PCDHA1: variants seen among roughly 807,000 people sequenced by gnomAD.
The protein encoded by PCDHA1 is protocadherin alpha-1.
A neutral mutation model predicts 61.3 loss-of-function variants in PCDHA1; 42 were observed. The observed-to-expected ratio is 0.69, with a 90% CI of 0.54 to 0.89. PCDHA1 has a LOEUF of 0.89. PCDHA1 is among the 40% of genes least tolerant of loss of function. PCDHA1 has a pLI of 0.00. For missense variants in PCDHA1, 1,256 were observed against 1,235.3 expected, an observed-to-expected ratio of 1.02 and a Z score of -0.25; for synonymous variants, 610 against 553.8, an observed-to-expected ratio of 1.10 and a Z score of -1.43.
chr5:140,916,142 T>C (rs868910993), intron 1 of PCDHA1, among the ~76,000 whole-genome samples: 2 of 151,944 alleles, frequency 1.3e-5, no homozygotes, highest in African/African-American at 4.8e-5. Context: ...GGCTGTTCAG[T>C]TGTGTTGTGG....
At chr5:140,830,751 A>G (rs1247208262) in intron 1 of PCDHA1, 3 of 185,768 alleles carry the variant, frequency 1.6e-5, no homozygotes, top group Admixed American at 1.2e-4. Flanking sequence ...TTTCTGTTGC[A>G]TTTTAATTCA....
chr5:140,823,638 C>T (rs2150127747), intron 1 of PCDHA1: 14 of 1,613,898 alleles, frequency 8.7e-6, no homozygotes, highest in African/African-American at 2.7e-5. Flanking sequence ...GCATCCCGTT[C>T]CGCGTGGGGC....
At chr5:140,967,649 T>C in intron 1 of PCDHA1, 1 of 1,614,132 alleles carries the variant, frequency 6.2e-7, no homozygotes. Context: ...GCTCAGGTAC[T>C]CCTTGAGCAG....
At position 140,849,254 on chromosome 5, in the gene PCDHA1, A is replaced by C. The variant is rs2150433667; in HGVS notation, c.2394+60570A>C. The stretch of plus-strand genomic sequence containing the variant: ...CCCTGTATACGGTGAAATTACCAGA[A>C]AACGTTTCTATCGGAACGCTGGTGA... On this transcript the variant is annotated intron_variant, in intron 1 of 3. Coordinates refer to ENST00000504120, the MANE Select transcript of PCDHA1 (RefSeq NM_018900.4). The C allele has an allele frequency of 1.6e-4, 171 of 1,103,146 alleles. 11 individuals are homozygous for C. In the South Asian group the frequency reaches 1.7e-3, roughly 11 times the overall value. 68.3% of individuals were successfully genotyped at this position (1,103,146 alleles called of 1,614,324 possible). A position where few individuals can be genotyped will look rare whatever the true frequency, so the allele number is the denominator to read the frequency against.
chr5:140,927,077 G>C (rs568623488), intron 1 of PCDHA1: 29 of 1,610,728 alleles, frequency 1.8e-5, no homozygotes, highest in Non-Finnish European at 2.5e-5. Flanking sequence ...TCCAGCCACC[G>C]CGAGCTCTAC....
chr5:140,841,694 G>C, intron 1 of PCDHA1: 1 of 1,613,934 alleles, frequency 6.2e-7, no homozygotes. Context: ...GGAGGTGAAG[G>C]ATGTTAATGA....
chr5:140,969,047 A>C, intron 1 of PCDHA1: 1 of 1,614,152 alleles, frequency 6.2e-7, no homozygotes, highest in Non-Finnish European at 8.5e-7. Flanking sequence ...CAAACAAGCC[A>C]ACAACAATAT....
intron 1 of PCDHA1, among the ~76,000 whole-genome samples, chr5:140,906,089 A>G (rs13182228): frequency 0.33 from 49,632 of 151,980 alleles, 8,394 homozygotes; most frequent in East Asian, 0.53. Flanking sequence ...CCAGACTGAG[A>G]GTAAGTGTGT....
chr5:140,877,101 G>A lies in PCDHA1; in HGVS notation c.2394+88417G>A, dbSNP rs375706181. ...TGAGCGCGCGCGACGCCGGCGTGCCGCCTCTGGGCAGCAACGTGACGCTGC... is the reference window on the plus strand; with the variant it reads ...TGAGCGCGCGCGACGCCGGCGTGCCACCTCTGGGCAGCAACGTGACGCTGC... On this transcript the variant is annotated intron_variant, in intron 1 of 3. Transcript: ENST00000504120. 3.3e-5 allele frequency: 53 copies of A among 1,613,354 alleles called. 1 individual carries two copies. The highest frequency in any genetic ancestry group is 4.1e-5 in the Non-Finnish European group (48 of 1,179,850).
At chr5:141,007,716 G>A (rs887681362) in intron 3 of PCDHA1, among the ~76,000 whole-genome samples, 4 of 152,246 alleles carry the variant, frequency 2.6e-5, no homozygotes, top group African/African-American at 4.8e-5. Context: ...CCCACCACCA[G>A]GGAGAACAAA....
intron 1 of PCDHA1, among the ~76,000 whole-genome samples, chr5:140,820,870 T>C (rs1766848710): frequency 6.6e-6 from 1 of 152,114 alleles, no homozygotes; most frequent in Non-Finnish European, 1.5e-5. Context: ...ATGCTTCTAA[T>C]TTGAAAATAG....
chr5:141,001,069 C>T (rs1422093659), intron 3 of PCDHA1, among the ~76,000 whole-genome samples: 15 of 152,106 alleles, frequency 9.9e-5, no homozygotes, highest in African/African-American at 3.1e-4. Flanking sequence ...AAATTAAATA[C>T]ATGCAAAATA....
At chr5:140,822,269 C>T in intron 1 of PCDHA1, 2 of 1,614,196 alleles carry the variant, frequency 1.2e-6, no homozygotes, top group Non-Finnish European at 1.7e-6. Context: ...GGAGCAAATG[C>T]ACAATTGAGA....
Position 140,788,101 on chromosome 5 carries a change from A to G in PCDHA1, c.1811A>G (p.Asn604Ser), listed in dbSNP as rs782306888. The G allele has an allele frequency of 6.8e-5, 109 of 1,613,796 alleles. No homozygotes were observed. The highest frequency in any genetic ancestry group is 8.7e-5 in the Non-Finnish European group (103 of 1,179,908). ...VRAVDADSGY[N>S]AWLSYELQPA... ...GCAGTGGACGCCGACTCGGGCTACA[A>G]CGCGTGGCTGTCCTATGAACTGCAG... The change falls in exon 1 of 4, where the codon AAC becomes AGC. Residue 604 changes from asparagine (N) to serine (S), a missense_variant. Transcript: ENST00000504120.
rs1554213921 is a variant in PCDHA1 at position 140,941,202 on chromosome 5, C to CTTTCTTTCTTTCTTTCTTT, written c.2395-37747_2395-37746insTTTCTTTCTTTCTTTCTTT. ...TCCTGCTTCTTTTTTTTTCTTTCTT[C>CTTTCTTTCTTTCTTTCTTT]CTTTCTTTCTTCCTTTCTTTCTTTC... On this transcript the variant is annotated intron_variant, in intron 1 of 3. Coordinates refer to ENST00000504120, the MANE Select transcript of PCDHA1 (RefSeq NM_018900.4). Among the ~76,000 whole-genome samples the CTTTCTTTCTTTCTTTCTTT allele has an allele frequency of 8.2e-4, 101 of 122,784 alleles. 3 individuals carry two copies. Among genetic ancestry groups the CTTTCTTTCTTTCTTTCTTT allele is most frequent in the East Asian group, 3.5e-3 (16 of 4,514 alleles). The allele number at this position is 122,784 out of a possible 152,430, so 80.6% of individuals were successfully genotyped here. A position where few individuals can be genotyped will look rare whatever the true frequency, so the allele number is the denominator to read the frequency against.
At chr5:140,869,170 T>C in intron 1 of PCDHA1, 3 of 1,613,920 alleles carry the variant, frequency 1.9e-6, no homozygotes, top group Non-Finnish European at 2.5e-6. Context: ...CCTCCTCGAA[T>C]TCTGGGAGGT....
In PCDHA1 at chr5:140,787,780, G is replaced by C. The variant is rs782023568; in HGVS notation, c.1490G>C (p.Arg497Pro). The C allele has an allele frequency of 5.6e-6, 9 of 1,612,700 alleles. No homozygotes were observed. Among genetic ancestry groups the C allele is most frequent in the Non-Finnish European group, 7.6e-6 (9 of 1,179,790 alleles). Residue 497 changes from arginine to proline, a missense_variant, in exon 1 of 4, where the codon CGG (arginine) becomes CCG (proline). Coordinates refer to ENST00000504120, the MANE Select transcript of PCDHA1 (RefSeq NM_018900.4). ...CTGGTGTCCTATTCGCTGGTGGAAC[G>C]GCGGGTGGGCGAGCGCGCGCTGTCG... ...NALVSYSLVE[R>P]RVGERALSNY... is the part of the protein sequence containing the mutation.
chr5:140,967,943 G>T, intron 1 of PCDHA1: 1 of 1,614,190 alleles, frequency 6.2e-7, no homozygotes. Flanking sequence ...CAATGACCAA[G>T]ACTCAGGCCC....
In PCDHA1 at chr5:140,788,373, G is replaced by T; in HGVS notation, c.2083G>T (p.Asp695Tyr). The T allele has an allele frequency of 6.2e-7, 1 of 1,614,056 alleles. No individual in the cohort carries two copies. The highest frequency in any genetic ancestry group is 8.5e-7 in the Non-Finnish European group (1 of 1,179,976). Residue 695 changes from aspartate to tyrosine, a missense_variant, in exon 1 of 4, where the codon GAT becomes TAT. Physicochemically the swap from Asp to Tyr is radical, Grantham distance 160. Transcript: ENST00000504120. ...GVAGPEAALV[D>Y]VNVYLIIAIC... is the part of the protein sequence containing the mutation. ...CGCGGGCCCAGAGGCGGCGCTGGTG[G>T]ATGTCAACGTGTACCTGATCATCGC... is the stretch of plus-strand genomic sequence containing the variant.
Sources: gnomAD v4.1 joint callset for allele counts (sites outside exome capture counted in the v4.1 genomes callset) on GRCh38, gnomAD v4.1.1 for gene constraint, MANE v1.5 for transcripts, NCBI Gene and HGNC (gene_info 2026-07-23, HGNC 2026-07-21) for gene names.